The following MAP3K14 variants were observed in gnomAD, a reference collection of about 807,000 sequenced individuals.
MAP3K14 encodes mitogen-activated protein kinase kinase kinase 14.
In MAP3K14, 16 loss-of-function variants were observed where a neutral mutation model predicts 99.2. The observed-to-expected ratio is 0.16, with a 90% CI of 0.11 to 0.24. MAP3K14 has a LOEUF of 0.24. Ranked by LOEUF, MAP3K14 falls within the 10% of genes least tolerant of loss-of-function variation. The pLI is 1.00. For synonymous variants in MAP3K14, 462 were observed against 492.4 expected (o/e 0.94, Z 0.82); for missense variants, 784 against 1,208.7 (o/e 0.65, Z 5.21).
chr17:45,271,082 G>T lies in MAP3K14; in HGVS notation c.1797C>A (p.Phe599Leu), dbSNP rs1567988227. The change falls in exon 10 of 16, where the codon TTC becomes TTA. Residue 599 changes from phenylalanine to leucine, a missense_variant. Coordinates refer to ENST00000344686, the MANE Select transcript of MAP3K14 (RefSeq NM_003954.5). ...CCTTGAGGCAGAGCGGCCCTCGGAA[G>T]AACTGAGTCCAGGGGTGGCAGCCGT... ...MLNGCHPWTQ[F>L]FRGPLCLKIA... 6.2e-7 allele frequency: 1 copy of T among 1,613,024 alleles called. No homozygotes were observed.
At chr17:45,277,249 C>T (rs1485277793) in intron 6 of MAP3K14, among the ~76,000 whole-genome samples, 1 of 152,096 alleles carries the variant, frequency 6.6e-6, no homozygotes, top group Non-Finnish European at 1.5e-5. Flanking sequence ...GTGTGCTGCA[C>T]CCATTAACTT....
chr17:45,278,111 A>C (rs2044193559), intron 6 of MAP3K14, among the ~76,000 whole-genome samples: 1 of 152,224 alleles, frequency 6.6e-6, no homozygotes, highest in Non-Finnish European at 1.5e-5. Flanking sequence ...GGTTGCCCTG[A>C]AACAATGACT....
At chr17:45,276,219 G>A (rs111752175) in intron 6 of MAP3K14, among the ~76,000 whole-genome samples, 4 of 152,170 alleles carry the variant, frequency 2.6e-5, no homozygotes, top group East Asian at 1.9e-4. Context: ...TGGCAGGTCC[G>A]GGATCATCCA....
chr17:45,283,654 T>C (rs940320836), intron 6 of MAP3K14, among the ~76,000 whole-genome samples: 45 of 152,328 alleles, frequency 3.0e-4, no homozygotes, highest in Admixed American at 2.4e-3. Flanking sequence ...CTGTGTCAGG[T>C]TGGTGCTCCA....
rs765823542 is a variant in MAP3K14, at chr17:45,267,063, C to T, written c.2433+29G>A. 6.6e-7 allele frequency: 1 copy of T among 1,510,368 alleles called. No homozygotes were observed. Among genetic ancestry groups the T allele is most frequent in the East Asian group, 2.4e-5 (1 of 41,192 alleles). 93.6% of individuals were successfully genotyped at this position (1,510,368 alleles called of 1,614,324 possible). A position where few individuals can be genotyped will look rare whatever the true frequency, so the allele number is the denominator to read the frequency against. On this transcript the variant is annotated intron_variant, in intron 13 of 15. Transcript: ENST00000344686. This position sits in a 1 kb window ranked among gnomAD's most constrained non-coding sequence, Gnocchi z 5.1. ...GGCCGGGAAAACCACACCCCTGGAGCCATGGCTCCGGGGCCACAACCGACT... is the reference window on the plus strand; with the variant it reads ...GGCCGGGAAAACCACACCCCTGGAGTCATGGCTCCGGGGCCACAACCGACT...
intron 1 of MAP3K14, among the ~76,000 whole-genome samples, chr17:45,296,253 G>A (rs979743216): frequency 4.6e-5 from 7 of 152,136 alleles, no homozygotes; most frequent in African/African-American, 1.7e-4. Context: ...GGCTGGGTGC[G>A]GTGGCTCACG....
rs3744410 is a variant in MAP3K14 at position 45,264,546 on chromosome 17, G to C, written c.*90C>G. 2.1e-6 allele frequency: 3 copies of C among 1,416,346 alleles called. No homozygotes were observed. In the East Asian group the frequency reaches 7.8e-5, roughly 37 times the overall value. 87.7% of individuals were successfully genotyped at this position (1,416,346 alleles called of 1,614,324 possible). On this transcript the variant is annotated 3_prime_UTR_variant, in exon 16 of 16. Coordinates refer to ENST00000344686, the MANE Select transcript of MAP3K14 (RefSeq NM_003954.5). ...TGAGCCGGGGGCTGGCAGATCCCTG[G>C]GAACGGCTGAGCCTGTGTTTCAGGG...
In MAP3K14 at chr17:45,271,230, G is replaced by A. The variant is rs1236205135; in HGVS notation, c.1658-9C>T. 28 of 1,597,926 alleles carry A rather than the reference G, an allele frequency of 1.8e-5. No individual in the cohort carries two copies. The highest frequency in any genetic ancestry group is 2.3e-5 in the Non-Finnish European group (27 of 1,175,390). The stretch of plus-strand genomic sequence containing the variant: ...GCCAGGGATGTAGTCCCCTGAGAAG[G>A]GGGATGAGACATAAAGTTACCTGGA... On this transcript the variant is annotated splice_polypyrimidine_tract_variant and intron_variant, in intron 9 of 15. Transcript: ENST00000344686.
In MAP3K14 at chr17:45,286,614, C is replaced by T; in HGVS notation, c.969G>A (p.Leu323=). The T allele has an allele frequency of 1.2e-6, 2 of 1,611,278 alleles. No individual in the cohort carries two copies. Among genetic ancestry groups the T allele is most frequent in the Non-Finnish European group, 8.5e-7 (1 of 1,178,940 alleles). Reference sequence around the variant, plus strand: ...AAAACTTCTCATGGGCACCACGAGACAGGCAGCTGGGCTCCAGGTGTGGGC... The same window carrying T: ...AAAACTTCTCATGGGCACCACGAGATAGGCAGCTGGGCTCCAGGTGTGGGC... ...LPGPHLEPSC[L]SRGAHEKFSV... is the part of the protein sequence containing the mutation. Residue 323 remains leucine (L), a synonymous_variant, in exon 5 of 16, where the codon CTG becomes CTA. Coordinates refer to ENST00000344686, the MANE Select transcript of MAP3K14 (RefSeq NM_003954.5). This position sits in a 1 kb window ranked among gnomAD's most constrained non-coding sequence, Gnocchi z 4.1.
At chr17:45,283,757 G>A (rs529880056) in intron 6 of MAP3K14, among the ~76,000 whole-genome samples, 388 of 152,294 alleles carry the variant, frequency 2.5e-3, no homozygotes, top group Non-Finnish European at 4.4e-3. Context: ...GGATTGGAGT[G>A]TCTCTGACAT....
chr17:45,287,773 A>AG (rs2044279136), intron 3 of MAP3K14, among the ~76,000 whole-genome samples: 1 of 152,114 alleles, frequency 6.6e-6, no homozygotes, highest in African/African-American at 2.4e-5. Flanking sequence ...AGTTCCTAGG[A>AG]GGGGGCCACG....
Position 45,267,112 on chromosome 17 carries a change from G to T in MAP3K14, c.2413C>A (p.Leu805Met). ...CTCACCTTCTCACTGTCATCCGACA[G>T]GGAGAGGCTGTCGATGCTGAGGCAC... ...LSCLSIDSLS[L>M]SDDSEKNPSK... Residue 805 changes from leucine (L) to methionine (M), a missense_variant, in exon 13 of 16, where the codon CTG becomes ATG. This residue lies in a region of MAP3K14 where 130 missense variants were observed against 220.4 expected (regional missense o/e 0.59). Coordinates refer to ENST00000344686, the MANE Select transcript of MAP3K14 (RefSeq NM_003954.5). This position sits in a 1 kb window ranked among gnomAD's most constrained non-coding sequence, Gnocchi z 5.1. The T allele has an allele frequency of 6.3e-7, 1 of 1,592,172 alleles. No individual in the cohort carries two copies. The highest frequency in any genetic ancestry group is 2.3e-5 in the East Asian group (1 of 43,840).
chr17:45,277,920 G>A (rs1401641496), intron 6 of MAP3K14, among the ~76,000 whole-genome samples: 1 of 152,210 alleles, frequency 6.6e-6, no homozygotes, highest in African/African-American at 2.4e-5. Flanking sequence ...TGATTTCAAG[G>A]GTTGAGATGT....
intron 6 of MAP3K14, among the ~76,000 whole-genome samples, chr17:45,283,711 C>T (rs2044241256): frequency 6.6e-6 from 1 of 152,190 alleles, no homozygotes; most frequent in Non-Finnish European, 1.5e-5. Flanking sequence ...TTTCAGATTG[C>T]GGATGCTCTA....
At chr17:45,290,807 G>C in intron 1 of MAP3K14, 42 bp from the exon 2 acceptor site, 1 of 1,581,532 alleles carries the variant, frequency 6.3e-7, no homozygotes, top group African/African-American at 1.3e-5. Context: ...TAGAATCCCA[G>C]ACCTGGGAGA....
intron 7 of MAP3K14, 39 bp from the exon 8 acceptor site, chr17:45,274,293 C>T (rs769061625): frequency 1.5e-4 from 232 of 1,586,738 alleles, no homozygotes; most frequent in Non-Finnish European, 1.9e-4. Flanking sequence ...GGGACTTGCC[C>T]GAGCCTCCAT....
chr17:45,308,048 AGGGCTT>A (rs1250147612), intron 1 of MAP3K14, among the ~76,000 whole-genome samples: 1 of 152,214 alleles, frequency 6.6e-6, no homozygotes, highest in East Asian at 1.9e-4. Flanking sequence ...AAGGTAAAAA[AGGGCTT>A]GGGACATGGG....
rs768420832 is a variant in MAP3K14 at position 45,267,124 on chromosome 17, C to T, written c.2401G>A (p.Asp801Asn). Residue 801 changes from aspartate (D) to asparagine (N), a missense_variant, in exon 13 of 16, where the codon GAC becomes AAC. Around this residue, in one of 5 missense-constraint regions of MAP3K14, gnomAD observed 130 missense variants for 220.4 expected, o/e 0.59. Transcript: ENST00000344686. The surrounding 1 kb of genome is among the most constrained non-coding windows in gnomAD (Gnocchi z 5.1). ...CTGTCATCCGACAGGGAGAGGCTGT[C>T]GATGCTGAGGCACGAGAGAATTTGC... ...QEQILSCLSI[D>N]SLSLSDDSEK... 5.1e-5 allele frequency: 82 copies of T among 1,596,998 alleles called. No homozygotes were observed. The highest frequency in any genetic ancestry group is 2.0e-4 in the East Asian group (9 of 44,132).
At chr17:45,269,708 T>C (rs915138997) in intron 11 of MAP3K14, among the ~76,000 whole-genome samples, 4 of 152,232 alleles carry the variant, frequency 2.6e-5, no homozygotes, top group Admixed American at 1.3e-4. Flanking sequence ...TTCTGGTAGC[T>C]GGGCACATGG....
Sources: gnomAD v4.1 joint callset for allele counts (sites outside exome capture counted in the v4.1 genomes callset) on GRCh38, gnomAD v4.1.1 for gene constraint, gnomAD v4.1.1 regional missense constraint, Gnocchi (gnomAD v3.1) non-coding constraint, MANE v1.5 for transcripts, NCBI Gene and HGNC (gene_info 2026-07-23, HGNC 2026-07-21) for gene names.